The following TSHZ2 variants were observed in gnomAD, a reference collection of about 807,000 sequenced individuals.
TSHZ2 encodes the protein teashirt homolog 2.
Under a neutral mutation model 74.4 loss-of-function variants are expected in TSHZ2, and 21 were observed. The observed-to-expected ratio is 0.28, with a 90% CI of 0.20 to 0.41. The LOEUF is 0.41. Ranked by LOEUF, TSHZ2 falls within the 10% of genes least tolerant of loss-of-function variation. The pLI, the probability that TSHZ2 is intolerant of heterozygous loss-of-function variation, is 1.00. For missense variants in TSHZ2, 1,244 were observed against 1,293.5 expected (o/e 0.96, Z 0.59); for synonymous variants, 540 against 515.3 (o/e 1.05, Z -0.65).
chr20:53,117,820 T>C (rs1369579302), intron 1 of TSHZ2, among the ~76,000 whole-genome samples: 1 of 152,206 alleles, frequency 6.6e-6, no homozygotes, highest in East Asian at 1.9e-4. Flanking sequence ...TTCCCATCTT[T>C]TGGCCAAGCA....
At chr20:53,115,936 G>A (rs181424382) in intron 1 of TSHZ2, among the ~76,000 whole-genome samples, 46 of 152,330 alleles carry the variant, frequency 3.0e-4, no homozygotes, top group African/African-American at 9.4e-4. Flanking sequence ...GGATGTGGGT[G>A]TGGATAAGTG....
Position 53,341,620 on chromosome 20 carries a change from C to T in TSHZ2, c.*8+85049C>T, listed in dbSNP as rs202243702. Among the ~76,000 whole-genome samples, 11 of 152,104 alleles carry T rather than the reference C, an allele frequency of 7.2e-5. No individual in the cohort carries two copies. The East Asian group carries it at 1.7e-3, about 24-fold the overall frequency. ...AATTACAGGCTTAAACCGCCATACCCGGCCGAATTATCTCTTATCTATTTT... is the reference window on the plus strand; with the variant it reads ...AATTACAGGCTTAAACCGCCATACCTGGCCGAATTATCTCTTATCTATTTT... On this transcript the variant is annotated intron_variant, in intron 2 of 2. Coordinates refer to ENST00000371497, the MANE Select transcript of TSHZ2 (RefSeq NM_173485.6).
intron 1 of TSHZ2, among the ~76,000 whole-genome samples, chr20:53,224,329 G>T (rs556557365): frequency 6.6e-6 from 1 of 152,306 alleles, no homozygotes; most frequent in Admixed American, 6.5e-5. Flanking sequence ...AAGTGTGAAA[G>T]GCTCTGACAT....
At chr20:53,039,319 C>T (rs946065246) in intron 1 of TSHZ2, among the ~76,000 whole-genome samples, 15 of 152,000 alleles carry the variant, frequency 9.9e-5, no homozygotes, top group Non-Finnish European at 1.8e-4. Flanking sequence ...ACTTTCCACA[C>T]TCTTGTTGTT....
intron 2 of TSHZ2, among the ~76,000 whole-genome samples, chr20:53,352,777 CAAAA>C (rs869247919): frequency 7.6e-5 from 5 of 65,624 alleles, no homozygotes; most frequent in Admixed American, 4.9e-4. Flanking sequence ...CTGTCTCAAA[CAAAA>C]AAAAAAAAAA....
chr20:53,132,663 T>C (rs2123389907), intron 1 of TSHZ2, among the ~76,000 whole-genome samples: 1 of 152,274 alleles, frequency 6.6e-6, no homozygotes, highest in South Asian at 2.1e-4. Flanking sequence ...TCCATTCTCC[T>C]TCCTAGTATT....
chr20:52,976,502 G>A (rs1051482523), intron 1 of TSHZ2, among the ~76,000 whole-genome samples: 31 of 152,348 alleles, frequency 2.0e-4, no homozygotes, highest in Admixed American at 1.8e-3. Flanking sequence ...TTCAGTACCA[G>A]CATTTTCCCC....
intron 1 of TSHZ2, among the ~76,000 whole-genome samples, chr20:53,038,681 CAT>C (rs2123088531): frequency 6.6e-6 from 1 of 152,274 alleles, no homozygotes; most frequent in Non-Finnish European, 1.5e-5. Flanking sequence ...CTTTTTAACA[CAT>C]GTTGCTTAAC....
chr20:53,436,186 C>G (rs1323357384), intron 2 of TSHZ2, among the ~76,000 whole-genome samples: 1 of 152,148 alleles, frequency 6.6e-6, no homozygotes, highest in Non-Finnish European at 1.5e-5. Flanking sequence ...CTGGCAACAC[C>G]TGGTGACTCA....
chr20:53,292,027 G>A (rs76731945), intron 2 of TSHZ2, among the ~76,000 whole-genome samples: 11,991 of 151,576 alleles, frequency 0.079, 611 homozygotes, highest in Middle Eastern at 0.13. Context: ...AGGGAATTTC[G>A]TTAAGGGGAA....
In TSHZ2 at chr20:53,487,366, TG is replaced by T. The variant is rs914541568; in HGVS notation, c.*234del. 1 of 152,110 alleles carries T rather than the reference TG, an allele frequency of 6.6e-6. No individual in the cohort carries two copies. Among genetic ancestry groups the T allele is most frequent in the African/African-American group, 2.4e-5 (1 of 41,400 alleles). The allele number at this position is 152,110 out of a possible 1,614,324, so 9.4% of individuals were successfully genotyped here. A position where few individuals can be genotyped will look rare whatever the true frequency, so the allele number is the denominator to read the frequency against. On this transcript the variant is annotated 3_prime_UTR_variant, in exon 3 of 3. Transcript: ENST00000371497. ...GTATTGATTTCCACTTCTCTGCTTATGGGCGGTATTAGATTTTCATTGATAA... is the reference window on the plus strand; with the variant it reads ...GTATTGATTTCCACTTCTCTGCTTATGGCGGTATTAGATTTTCATTGATAA...
chr20:53,334,135 A>G (rs1439507946), intron 2 of TSHZ2, among the ~76,000 whole-genome samples: 2 of 152,222 alleles, frequency 1.3e-5, no homozygotes, highest in East Asian at 3.8e-4. Flanking sequence ...CAAAGTAGAC[A>G]CCAATGTTGC....
At chr20:53,144,919 A>G (rs971639820) in intron 1 of TSHZ2, among the ~76,000 whole-genome samples, 4 of 152,084 alleles carry the variant, frequency 2.6e-5, no homozygotes, top group Non-Finnish European at 2.9e-5. Context: ...CTTTCTCTTC[A>G]AAGAATTGAG....
chr20:53,242,317 C>A (rs1242782843), intron 1 of TSHZ2, among the ~76,000 whole-genome samples: 1 of 152,092 alleles, frequency 6.6e-6, no homozygotes, highest in Non-Finnish European at 1.5e-5. Context: ...CAAAAACCAC[C>A]CCCAGAACTA....
At chr20:53,333,799 T>C (rs76242806) in intron 2 of TSHZ2, among the ~76,000 whole-genome samples, 7,794 of 152,296 alleles carry the variant, frequency 0.051, 224 homozygotes, top group South Asian at 0.073. Flanking sequence ...AGCTCTTATG[T>C]TTCCTTCCTC....
intron 1 of TSHZ2, among the ~76,000 whole-genome samples, chr20:52,995,018 C>T (rs1028913170): frequency 4.6e-5 from 7 of 152,192 alleles, no homozygotes; most frequent in African/African-American, 1.7e-4. Flanking sequence ...ATGGAAGACA[C>T]ATAGTGGAGC....
intron 1 of TSHZ2, among the ~76,000 whole-genome samples, chr20:53,151,431 A>G (rs1231985652): frequency 2.0e-5 from 3 of 152,170 alleles, no homozygotes; most frequent in Non-Finnish European, 4.4e-5. Flanking sequence ...CTCAACCAAA[A>G]TTCTTTGAGG....
At chr20:53,113,616 A>G (rs1986592633) in intron 1 of TSHZ2, among the ~76,000 whole-genome samples, 1 of 152,204 alleles carries the variant, frequency 6.6e-6, no homozygotes, top group Non-Finnish European at 1.5e-5. Flanking sequence ...GTTTCAGAAT[A>G]TCTAAGAGGC....
chr20:53,449,358 G>A (rs978724180), intron 2 of TSHZ2, among the ~76,000 whole-genome samples: 1 of 152,136 alleles, frequency 6.6e-6, no homozygotes, highest in Non-Finnish European at 1.5e-5. Flanking sequence ...CAAGTAGTAA[G>A]CACACAATAA....
Sources: allele counts gnomAD v4.1 joint callset (sites outside exome capture counted in the v4.1 genomes callset), GRCh38; gene constraint gnomAD v4.1.1; transcripts MANE v1.5; gene names NCBI Gene and HGNC (gene_info 2026-07-23, HGNC 2026-07-21).